The following PLEKHA5 variants were observed in gnomAD, a reference collection of about 807,000 sequenced individuals.
PLEKHA5 encodes the protein pleckstrin homology domain-containing family A member 5.
PLEKHA5 carries 55 observed loss-of-function variants against 181.9 expected under a neutral mutation model. The ratio of observed to expected loss-of-function variants is 0.30; its 90% CI spans 0.24 to 0.38. The LOEUF is 0.38. Among genes scored for constraint, PLEKHA5 ranks in the 10% least tolerant of loss-of-function variants. PLEKHA5 has a pLI of 1.00. For synonymous variants in PLEKHA5, 535 were observed against 529.4 expected (o/e 1.01, Z -0.15); for missense variants, 1,432 against 1,549.5 (o/e 0.92, Z 1.27).
At chr12:19,371,672 T>G (rs2095580214) in intron 31 of PLEKHA5, 1 of 155,024 alleles carries the variant, frequency 6.5e-6, no homozygotes, top group South Asian at 2.0e-4. Context: ...TAGTATTCCA[T>G]GGTGTATATA....
intron 3 of PLEKHA5, among the ~76,000 whole-genome samples, chr12:19,236,542 A>G (rs2061433205): frequency 6.6e-6 from 1 of 152,176 alleles, no homozygotes; most frequent in African/African-American, 2.4e-5. Context: ...TGAAACAAAT[A>G]TATATCATCT....
At chr12:19,245,709 G>C (rs370488432) in intron 3 of PLEKHA5, among the ~76,000 whole-genome samples, 1 of 114,990 alleles carries the variant, frequency 8.7e-6, no homozygotes. Flanking sequence ...CCTGGGGAAC[G>C]AGAGTGAGAC....
intron 3 of PLEKHA5, among the ~76,000 whole-genome samples, chr12:19,230,751 T>C (rs1345454432): frequency 6.6e-6 from 1 of 152,016 alleles, no homozygotes; most frequent in Non-Finnish European, 1.5e-5. Context: ...CACCCCTCCC[T>C]GCAAGCAGAG....
chr12:19,284,295 C>T (rs1195517534), intron 12 of PLEKHA5, among the ~76,000 whole-genome samples: 1 of 152,120 alleles, frequency 6.6e-6, no homozygotes, highest in Non-Finnish European at 1.5e-5. Flanking sequence ...TCTTGAACTC[C>T]TGATCTCAAG....
intron 15 of PLEKHA5, among the ~76,000 whole-genome samples, chr12:19,302,177 C>T (rs2081668180): frequency 6.6e-6 from 1 of 152,132 alleles, no homozygotes; most frequent in Non-Finnish European, 1.5e-5. Context: ...CCGAAGAAGT[C>T]ATTAAGAACT....
chr12:19,136,371 T>C (rs1238524281), intron 3 of PLEKHA5, among the ~76,000 whole-genome samples: 1 of 152,224 alleles, frequency 6.6e-6, no homozygotes, highest in African/African-American at 2.4e-5. Context: ...GTTATCTTTA[T>C]GAAGAATGCT....
intron 16 of PLEKHA5, 41 bp downstream of exon 16, chr12:19,314,935 C>CA (rs1565606412): frequency 1.0e-6 from 1 of 962,902 alleles, no homozygotes; most frequent in Admixed American, 2.0e-5. Flanking sequence ...TTATCATCTG[C>CA]AAAATCCCTC....
intron 3 of PLEKHA5, among the ~76,000 whole-genome samples, chr12:19,175,433 A>G (rs555455078): frequency 6.6e-6 from 1 of 152,176 alleles, no homozygotes; most frequent in Non-Finnish European, 1.5e-5. Flanking sequence ...ATATGTAGCA[A>G]TAGATTTGTA....
rs202088864 is a variant in PLEKHA5 at position 19,336,536 on chromosome 12, G to A, written c.2470G>A (p.Glu824Lys). 4 of 1,604,208 alleles carry A rather than the reference G, an allele frequency of 2.5e-6. No individual in the cohort carries two copies. Among genetic ancestry groups the A allele is most frequent in the Admixed American group, 1.7e-5 (1 of 59,560 alleles). ...ATAELERAWREYDKLEYDVTV... is the reference protein window; with the variant it reads ...ATAELERAWRKYDKLEYDVTV... ...TTAGGAATTGGAACGAGCATGGAGA[G>A]AATATGATAAGTTAGAATACGATGT... The change falls in exon 21 of 32, where the codon GAA (glutamate) becomes AAA (lysine). Residue 824 changes from glutamate (E) to lysine (K), a missense_variant. Coordinates refer to ENST00000429027, the MANE Select transcript of PLEKHA5 (RefSeq NM_001256470.2).
chr12:19,297,753 ATTT>A (rs36109060), intron 15 of PLEKHA5, among the ~76,000 whole-genome samples: 25 of 139,028 alleles, frequency 1.8e-4, no homozygotes, highest in Admixed American at 2.8e-4. Context: ...GTAAATTATT[ATTT>A]TTTTTTTTTT....
intron 3 of PLEKHA5, among the ~76,000 whole-genome samples, chr12:19,214,614 T>C (rs547110713): frequency 1.1e-4 from 17 of 152,128 alleles, no homozygotes; most frequent in South Asian, 4.2e-4. Flanking sequence ...CAGCGACATA[T>C]GATGGAGGGT....
chr12:19,304,174 C>T (rs2082450666), intron 15 of PLEKHA5, among the ~76,000 whole-genome samples: 1 of 152,070 alleles, frequency 6.6e-6, no homozygotes, highest in South Asian at 2.1e-4. Flanking sequence ...GTAATCCCAA[C>T]ACTTTGGGAA....
At chr12:19,351,120 G>A (rs186954233) in intron 25 of PLEKHA5, among the ~76,000 whole-genome samples, 1 of 152,064 alleles carries the variant, frequency 6.6e-6, no homozygotes, top group African/African-American at 2.4e-5. Flanking sequence ...ATTTATTGTA[G>A]AGACAGGGTT....
At chr12:19,312,154 A>G (rs1018976136) in intron 15 of PLEKHA5, among the ~76,000 whole-genome samples, 5 of 152,230 alleles carry the variant, frequency 3.3e-5, no homozygotes, top group African/African-American at 1.2e-4. Context: ...TAAGATATTC[A>G]GTAAACCATG....
intron 15 of PLEKHA5, among the ~76,000 whole-genome samples, chr12:19,305,058 A>G (rs1565592535): frequency 1.3e-5 from 2 of 152,228 alleles, no homozygotes; most frequent in Non-Finnish European, 1.5e-5. Context: ...ATATTTGTAC[A>G]GCACCTTGAA....
At chr12:19,374,383 G>A (rs2095660673) in intron 31 of PLEKHA5, among the ~76,000 whole-genome samples, 3 of 152,144 alleles carry the variant, frequency 2.0e-5, no homozygotes, top group Admixed American at 2.0e-4. Flanking sequence ...ATGTTGGCCG[G>A]GCACAGTGGC....
At chr12:19,169,733 T>G (rs182784568) in intron 3 of PLEKHA5, among the ~76,000 whole-genome samples, 19 of 152,300 alleles carry the variant, frequency 1.2e-4, no homozygotes, top group Admixed American at 1.1e-3. Context: ...CAAACCATCA[T>G]TGGCTTTTGG....
chr12:19,354,388 C>G (rs1203910937), intron 26 of PLEKHA5, among the ~76,000 whole-genome samples: 5 of 140,862 alleles, frequency 3.5e-5, no homozygotes, highest in Non-Finnish European at 1.5e-5. Flanking sequence ...CTCCTGACCT[C>G]GTGATCTGCC....
intron 8 of PLEKHA5, among the ~76,000 whole-genome samples, chr12:19,268,644 T>C (rs189542090): frequency 1.3e-5 from 2 of 152,346 alleles, no homozygotes; most frequent in Non-Finnish European, 2.9e-5. Flanking sequence ...ACTGGGTACT[T>C]TGACATCATC....
Sources: allele counts gnomAD v4.1 joint callset (sites outside exome capture counted in the v4.1 genomes callset), GRCh38; gene constraint gnomAD v4.1.1; transcripts MANE v1.5; gene names NCBI Gene and HGNC (gene_info 2026-07-23, HGNC 2026-07-21).